Variants in VAT1L observed in about 807,000 individuals in gnomAD.
VAT1L encodes vesicle amine transport 1 like.
In VAT1L, 34 loss-of-function variants were observed where a neutral mutation model predicts 44.1. The observed-to-expected ratio is 0.77, with a 90% CI of 0.59 to 1.03. The LOEUF (loss-of-function observed/expected upper bound fraction) is 1.03, where lower values mean the gene tolerates loss of function less well. Ranked by LOEUF, VAT1L falls within the 50% of genes least tolerant of loss-of-function variation. The probability of loss-of-function intolerance (pLI) is 0.00; values close to 1 mark genes in which losing one functional copy is unlikely to be tolerated. For synonymous variants in VAT1L, 253 were observed against 202.2 expected (o/e 1.25, Z -2.13); for missense variants, 615 against 538.8 (o/e 1.14, Z -1.40).
At chr16:77,963,938 C>G (rs901705765) in intron 7 of VAT1L, among the ~76,000 whole-genome samples, 3 of 152,278 alleles carry the variant, frequency 2.0e-5, no homozygotes, top group East Asian at 1.9e-4. Context: ...GAAAGTCTTA[C>G]AAAAGGGCCT....
At chr16:77,875,419 A>G (rs183379815) in intron 4 of VAT1L, among the ~76,000 whole-genome samples, 11 of 152,324 alleles carry the variant, frequency 7.2e-5, no homozygotes, top group African/African-American at 2.6e-4. Context: ...TTAATCCTGC[A>G]AACTTGCAAA....
chr16:77,973,840 C>T (rs2018306667), intron 8 of VAT1L, among the ~76,000 whole-genome samples: 1 of 152,138 alleles, frequency 6.6e-6, no homozygotes, highest in Non-Finnish European at 1.5e-5. Context: ...ACTCTACCGC[C>T]TCAGCCTCCC....
At chr16:77,958,349 A>T (rs450550) in intron 7 of VAT1L, among the ~76,000 whole-genome samples, 1 of 151,962 alleles carries the variant, frequency 6.6e-6, no homozygotes, top group South Asian at 2.1e-4. Flanking sequence ...TCACACCTCA[A>T]GCATCTCTCT....
chr16:77,952,531 G>A (rs1012793537), intron 7 of VAT1L, among the ~76,000 whole-genome samples: 2 of 151,888 alleles, frequency 1.3e-5, no homozygotes, highest in African/African-American at 4.8e-5. Context: ...CTCCCTAGAA[G>A]CTGATCATAT....
chr16:77,971,832 T>C lies in VAT1L; in HGVS notation c.1078-18T>C. On this transcript the variant is annotated intron_variant, in intron 7 of 8. Coordinates refer to ENST00000302536, the MANE Select transcript of VAT1L (RefSeq NM_020927.3). ...ATCTCGCCTAACCAGCACCTCTGTT[T>C]CTCACCTTTTCGCGCAGGTGAAGGA... is the stretch of plus-strand genomic sequence containing the variant. 6.2e-7 allele frequency: 1 copy of C among 1,610,642 alleles called. No homozygotes were observed. Among genetic ancestry groups the C allele is most frequent in the Non-Finnish European group, 8.5e-7 (1 of 1,178,456 alleles).
intron 7 of VAT1L, among the ~76,000 whole-genome samples, chr16:77,911,163 A>G (rs1357434030): frequency 6.6e-6 from 1 of 152,256 alleles, no homozygotes; most frequent in East Asian, 1.9e-4. Context: ...TAGCTGATTC[A>G]CAATGAAAAA....
At chr16:77,920,428 A>G (rs971410661) in intron 7 of VAT1L, among the ~76,000 whole-genome samples, 4 of 152,216 alleles carry the variant, frequency 2.6e-5, no homozygotes, top group Non-Finnish European at 5.9e-5. Context: ...TCAGCGACAC[A>G]TAGCTGCCAT....
intron 7 of VAT1L, among the ~76,000 whole-genome samples, chr16:77,887,787 G>T (rs2017224390): frequency 6.6e-6 from 1 of 152,270 alleles, no homozygotes; most frequent in South Asian, 2.1e-4. Context: ...TTTATTCTTA[G>T]CACTGTCGTC....
At chr16:77,906,527 G>C (rs2017438548) in intron 7 of VAT1L, among the ~76,000 whole-genome samples, 1 of 152,210 alleles carries the variant, frequency 6.6e-6, no homozygotes, top group Non-Finnish European at 1.5e-5. Context: ...AATGATCCCA[G>C]AGAGAAAAAG....
chr16:77,866,662 C>T (rs766015827), intron 4 of VAT1L, among the ~76,000 whole-genome samples: 2 of 151,328 alleles, frequency 1.3e-5, no homozygotes, highest in African/African-American at 2.4e-5. Context: ...TTTTATAAGC[C>T]AGTCAATCGG....
intron 1 of VAT1L, among the ~76,000 whole-genome samples, chr16:77,814,695 C>T (rs987584710): frequency 1.3e-5 from 2 of 152,146 alleles, no homozygotes; most frequent in African/African-American, 4.8e-5. Context: ...AGATGGAGTG[C>T]TTGATTCAGG....
chr16:77,903,625 G>A (rs753963912), intron 7 of VAT1L, among the ~76,000 whole-genome samples: 3 of 151,820 alleles, frequency 2.0e-5, no homozygotes, highest in Non-Finnish European at 2.9e-5. Flanking sequence ...TGGAAATTCT[G>A]ATTTGGAGAT....
At chr16:77,954,084 G>A (rs912849760) in intron 7 of VAT1L, among the ~76,000 whole-genome samples, 1 of 152,106 alleles carries the variant, frequency 6.6e-6, no homozygotes, top group Admixed American at 6.6e-5. Context: ...CTCAGCTGCT[G>A]GGTCTTTTGA....
At chr16:77,795,259 A>C (rs1441252813) in intron 1 of VAT1L, among the ~76,000 whole-genome samples, 1 of 119,650 alleles carries the variant, frequency 8.4e-6, no homozygotes, top group Non-Finnish European at 1.7e-5. Flanking sequence ...TGGAAGCAAT[A>C]ATTGGTAGAA....
At chr16:77,948,364 T>C (rs1002850569) in intron 7 of VAT1L, among the ~76,000 whole-genome samples, 1 of 152,172 alleles carries the variant, frequency 6.6e-6, no homozygotes, top group African/African-American at 2.4e-5. Flanking sequence ...ATTGAACTTC[T>C]CTAACACCTA....
intron 8 of VAT1L, 25 bp downstream of exon 8, chr16:77,971,958 T>C: frequency 6.2e-7 from 1 of 1,606,550 alleles, no homozygotes; most frequent in East Asian, 2.2e-5. Flanking sequence ...GAGGAGTCTG[T>C]TCAGTTCCAC....
At chr16:77,966,114 G>T (rs1262269365) in intron 7 of VAT1L, among the ~76,000 whole-genome samples, 3 of 152,186 alleles carry the variant, frequency 2.0e-5, no homozygotes, top group African/African-American at 7.2e-5. Flanking sequence ...TTTGGTTAAA[G>T]AAAATATCTC....
At chr16:77,806,879 G>C (rs1280823886) in intron 1 of VAT1L, among the ~76,000 whole-genome samples, 1 of 152,148 alleles carries the variant, frequency 6.6e-6, no homozygotes, top group African/African-American at 2.4e-5. Flanking sequence ...GCCACTCTGT[G>C]CTGTCTTCTC....
intron 7 of VAT1L, among the ~76,000 whole-genome samples, chr16:77,961,294 C>T (rs755364490): frequency 1.1e-4 from 16 of 152,088 alleles, no homozygotes; most frequent in Non-Finnish European, 2.1e-4. Context: ...AGCTCCTGCC[C>T]ACTCCGCTTT....
Sources: gnomAD v4.1 joint callset for allele counts (sites outside exome capture counted in the v4.1 genomes callset) on GRCh38, gnomAD v4.1.1 for gene constraint, MANE v1.5 for transcripts, NCBI Gene and HGNC (gene_info 2026-07-23, HGNC 2026-07-21) for gene names.